The following HSPG2 variants were observed in gnomAD, a reference collection of about 807,000 sequenced individuals.
HSPG2 encodes heparan sulfate proteoglycan 2, also known as basement membrane-specific heparan sulfate proteoglycan core protein.
In HSPG2, 278 loss-of-function variants were observed where a neutral mutation model predicts 526.6. The observed-to-expected ratio is 0.53, with a 90% confidence interval of 0.48 to 0.58. The LOEUF is 0.58. Among genes scored for constraint, HSPG2 ranks in the 20% least tolerant of loss-of-function variants. HSPG2 has a pLI of 0.00. For missense variants in HSPG2, 5,354 were observed against 6,099.5 expected, an observed-to-expected ratio of 0.88 and a Z score of 4.07; for synonymous variants, 2,465 against 2,555.4, an observed-to-expected ratio of 0.96 and a Z score of 1.07.
chr1:21,863,079 A>AACAAAAAAAAAAC (rs1639947327), intron 37 of HSPG2, among the ~76,000 whole-genome samples: 2 of 143,742 alleles, frequency 1.4e-5, no homozygotes, highest in African/African-American at 2.6e-5. Context: ...AAAAAAAAAA[A>AACAAAAAAAAAAC]AAAAAAAAAG....
rs2097956288 is a variant in HSPG2, at chr1:21,823,159, G to T, written c.*157C>A. 1.6e-5 allele frequency: 11 copies of T among 690,708 alleles called. No homozygotes were observed. In the South Asian group the frequency reaches 2.8e-4, roughly 17 times the overall value. The allele number at this position is 690,708 out of a possible 1,614,324, so 42.8% of individuals were successfully genotyped here. ...GGCTTTGCCCAGCTGTGTGTGTGAG[G>T]GTGGCATGCCCACCTCCAGTCCAGC... On this transcript the variant is annotated 3_prime_UTR_variant, in exon 97 of 97. Coordinates refer to ENST00000374695, the MANE Select transcript of HSPG2 (RefSeq NM_005529.7).
At chr1:21,926,199 G>A (rs1011196471) in intron 1 of HSPG2, among the ~76,000 whole-genome samples, 3 of 152,134 alleles carry the variant, frequency 2.0e-5, no homozygotes, top group African/African-American at 7.2e-5. Context: ...AGATTGCTGT[G>A]AGTATTATAT....
At chr1:21,849,125 A>G in intron 57 of HSPG2, 94 bp from the exon 58 acceptor site, 1 of 1,437,168 alleles carries the variant, frequency 7.0e-7, no homozygotes, top group African/African-American at 1.4e-5. Flanking sequence ...CTCCCAGCCC[A>G]GCCAGCTGGA....
At chr1:21,857,410 T>A (rs754082693) in intron 42 of HSPG2, 25 bp from the exon 43 acceptor site, 1 of 1,605,758 alleles carries the variant, frequency 6.2e-7, no homozygotes. Context: ...AGCCCCCCTG[T>A]GAGCCGGTGC....
Position 21,830,305 on chromosome 1 carries a change from CTG to C in HSPG2, c.11672-216_11672-215del, listed in dbSNP as rs1166484876. 1.4e-5 allele frequency: 8 copies of C among 590,164 alleles called. No individual in the cohort carries two copies. The Admixed American group carries it at 2.0e-4, about 15-fold the overall frequency. 36.6% of individuals were successfully genotyped at this position (590,164 alleles called of 1,614,324 possible). On this transcript the variant is annotated intron_variant, in intron 85 of 96. Transcript: ENST00000374695. ...CTGCAGGGGAAGCAGTCGAGGGACT[CTG>C]TGTGTCTGCAGGTTCTTCAGAGACT...
intron 1 of HSPG2, among the ~76,000 whole-genome samples, chr1:21,928,631 C>T (rs756844940): frequency 1.3e-5 from 2 of 152,042 alleles, no homozygotes; most frequent in East Asian, 3.9e-4. Flanking sequence ...TTAGTAGAGA[C>T]GGGGTTTCAC....
rs1175594451 is a variant in HSPG2 at position 21,937,233 on chromosome 1, GCT to G, written c.-18_-17del. ...GCCACCCCATGGCCCGGCCCGCGCC[GCT>G]CTCTCGCTCGCTCGCTCCGCGCCGC... is the stretch of plus-strand genomic sequence containing the variant. On this transcript the variant is annotated 5_prime_UTR_variant, in exon 1 of 97. Coordinates refer to ENST00000374695, the MANE Select transcript of HSPG2 (RefSeq NM_005529.7). 7.8e-6 allele frequency: 7 copies of G among 896,072 alleles called. No individual in the cohort carries two copies. The highest frequency in any genetic ancestry group is 7.9e-6 in the Non-Finnish European group (6 of 758,406). The allele number at this position is 896,072 out of a possible 1,614,324, so 55.5% of individuals were successfully genotyped here. A position where few individuals can be genotyped will look rare whatever the true frequency, so the allele number is the denominator to read the frequency against.
Position 21,823,638 on chromosome 1 carries a change from G to A in HSPG2, c.12981C>T (p.Asn4327=), listed in dbSNP as rs147161785. The A allele has an allele frequency of 2.3e-5, 37 of 1,613,646 alleles. No individual in the cohort carries two copies. The highest frequency in any genetic ancestry group is 1.5e-4 in the African/African-American group (11 of 74,898). The change falls in exon 96 of 97, where the codon AAC becomes AAT. Residue 4327 remains asparagine (N), a synonymous_variant. Transcript: ENST00000374695. ...GRSPGPNVAV[N]AKGSVYIGGA... ...TACCGATGTAGACGCTGCCCTTGGC[G>A]TTGACTGCCACGTTGGGACCTGGGG...
intron 91 of HSPG2, among the ~76,000 whole-genome samples, chr1:21,827,080 C>T (rs1490406157): frequency 6.6e-6 from 1 of 151,968 alleles, no homozygotes; most frequent in African/African-American, 2.4e-5. Context: ...TGGTGGCAGG[C>T]ACCTGTAATC....
chr1:21,835,385 T>C, intron 76 of HSPG2, 155 bp downstream of exon 76: 1 of 680,596 alleles, frequency 1.5e-6, no homozygotes, highest in Non-Finnish European at 2.7e-6. Flanking sequence ...CCCCTTTTAC[T>C]CTATGCTAGA....
chr1:21,845,817 C>T (rs1638386426), intron 64 of HSPG2, among the ~76,000 whole-genome samples: 1 of 152,170 alleles, frequency 6.6e-6, no homozygotes, highest in Non-Finnish European at 1.5e-5. Flanking sequence ...AGGTGGAAAG[C>T]TGAGGTCCCT....
chr1:21,870,333 C>T (rs1372907688), intron 33 of HSPG2: 2 of 981,960 alleles, frequency 2.0e-6, no homozygotes, highest in Non-Finnish European at 2.4e-6. Context: ...ATGGAGGGAG[C>T]AGGCGAGCTA....
At chr1:21,903,769 G>A (rs967562210) in intron 1 of HSPG2, among the ~76,000 whole-genome samples, 7 of 152,170 alleles carry the variant, frequency 4.6e-5, no homozygotes, top group Admixed American at 4.6e-4. Flanking sequence ...TCTCCAGGCA[G>A]GCCCCATGTG....
rs1327550886 is a variant in HSPG2, at chr1:21,876,640, C to T, written c.2698G>A (p.Gly900Arg). Reference sequence around the variant, plus strand: ...TCAGCACATTCATTGCACAAGCGCCCCACCACATTGTTCTGCAGGCACAGA... The same window carrying T: ...TCAGCACATTCATTGCACAAGCGCCTCACCACATTGTTCTGCAGGCACAGA... Reference protein sequence around the residue: ...EACRCKNNVVGRLCNECADGS... With the variant: ...EACRCKNNVVRRLCNECADGS... The change falls in exon 22 of 97, where the codon GGG (glycine) becomes AGG (arginine). Residue 900 changes from glycine to arginine, a missense_variant. Coordinates refer to ENST00000374695, the MANE Select transcript of HSPG2 (RefSeq NM_005529.7). 6.2e-7 allele frequency: 1 copy of T among 1,614,078 alleles called. No individual in the cohort carries two copies. The highest frequency in any genetic ancestry group is 1.3e-5 in the African/African-American group (1 of 74,942).
At chr1:21,854,099 G>GCC (rs1639137013) in intron 50 of HSPG2, 94 bp downstream of exon 50, 1 of 1,340,716 alleles carries the variant, frequency 7.5e-7, no homozygotes, top group Non-Finnish European at 1.0e-6. Context: ...TGCCTGGAAT[G>GCC]CCCCCCTGTC....
chr1:21,908,592 A>C lies in HSPG2; in HGVS notation c.64-12282T>G. The C allele has an allele frequency of 4.5e-6, 3 of 663,626 alleles. No homozygotes were observed. The South Asian group carries it at 5.2e-5, about 11-fold the overall frequency. The allele number at this position is 663,626 out of a possible 1,614,324, so 41.1% of individuals were successfully genotyped here. The stretch of plus-strand genomic sequence containing the variant: ...AATTCACGGCATAATAGGTATTTAA[A>C]AAAAAAAAAAGACCTCTGGGCTGTT... On this transcript the variant is annotated intron_variant, in intron 1 of 96. Transcript: ENST00000374695.
chr1:21,923,906 C>T (rs1465143206), intron 1 of HSPG2, among the ~76,000 whole-genome samples: 1 of 152,200 alleles, frequency 6.6e-6, no homozygotes, highest in African/African-American at 2.4e-5. Flanking sequence ...CAAAGAAGTT[C>T]AATGGCTTGG....
intron 64 of HSPG2, among the ~76,000 whole-genome samples, 158 bp from the exon 65 acceptor site, chr1:21,844,457 G>C (rs374127482): frequency 1.3e-5 from 2 of 152,350 alleles, no homozygotes; most frequent in South Asian, 2.1e-4. Context: ...AGCCTGGGAG[G>C]TGGAGGCACT....
intron 1 of HSPG2, among the ~76,000 whole-genome samples, chr1:21,925,444 C>A (rs1211434238): frequency 2.0e-5 from 3 of 152,182 alleles, no homozygotes; most frequent in Non-Finnish European, 4.4e-5. Context: ...TCAGAGCAGG[C>A]CCCGCTCAGC....
Sources: gnomAD v4.1 joint callset for allele counts (sites outside exome capture counted in the v4.1 genomes callset) on GRCh38, gnomAD v4.1.1 for gene constraint, MANE v1.5 for transcripts, NCBI Gene and HGNC (gene_info 2026-07-23, HGNC 2026-07-21) for gene names.